Variants in PAM observed in about 807,000 individuals in gnomAD.
PAM encodes the protein peptidylglycine alpha-amidating monooxygenase, also known as peptidyl-glycine alpha-amidating monooxygenase.
A neutral mutation model predicts 122.1 loss-of-function variants in PAM; 72 were observed. That is an observed-to-expected ratio of 0.59 (90% CI 0.49 to 0.72). The LOEUF (loss-of-function observed/expected upper bound fraction) is 0.72. Among genes scored for constraint, PAM ranks in the 30% least tolerant of loss-of-function variants. The pLI is 0.00. For missense variants in PAM, 1,106 were observed against 1,183.7 expected (o/e 0.93, Z 0.96); for synonymous variants, 389 against 404.4 (o/e 0.96, Z 0.46).
At chr5:102,809,744 AT>A (rs1767375409) in intron 1 of PAM, among the ~76,000 whole-genome samples, 1 of 152,252 alleles carries the variant, frequency 6.6e-6, no homozygotes, top group Non-Finnish European at 1.5e-5. Context: ...AGGGTGAAAC[AT>A]TGCTTAAAAA....
At chr5:102,805,064 CTTTTTTTTTTTT>C (rs527963126) in intron 1 of PAM, among the ~76,000 whole-genome samples, 16 of 103,770 alleles carry the variant, frequency 1.5e-4, no homozygotes, top group African/African-American at 5.7e-4. Context: ...GGGAATTTTC[CTTTTTTTTTTTT>C]TTTTTTTTTT....
intron 16 of PAM, among the ~76,000 whole-genome samples, chr5:103,001,895 C>T (rs1777497265): frequency 6.6e-6 from 1 of 151,970 alleles, no homozygotes; most frequent in Non-Finnish European, 1.5e-5. Context: ...TAACCAGTTG[C>T]ACTACAAAAT....
chr5:102,981,631 C>T (rs990084060), intron 15 of PAM, among the ~76,000 whole-genome samples: 3 of 152,182 alleles, frequency 2.0e-5, no homozygotes, highest in African/African-American at 7.2e-5. Context: ...AAGGGATGAT[C>T]CTTGCCCTTG....
intron 7 of PAM, among the ~76,000 whole-genome samples, chr5:102,928,591 C>T (rs1194699568): frequency 6.6e-6 from 1 of 152,018 alleles, no homozygotes; most frequent in Non-Finnish European, 1.5e-5. Context: ...TCAGTAGATA[C>T]TATCAGGTCC....
intron 1 of PAM, among the ~76,000 whole-genome samples, chr5:102,773,213 T>C (rs1756275080): frequency 6.6e-6 from 1 of 152,120 alleles, no homozygotes; most frequent in South Asian, 2.1e-4. Context: ...TTTGTTGTAA[T>C]AAACTAAAAG....
chr5:102,921,348 T>C (rs1224533577), intron 5 of PAM, among the ~76,000 whole-genome samples: 2 of 152,122 alleles, frequency 1.3e-5, no homozygotes, highest in Admixed American at 1.3e-4. Context: ...CAAAATATAC[T>C]ATACCATCTT....
At chr5:102,883,245 G>T (rs1462333208) in intron 3 of PAM, among the ~76,000 whole-genome samples, 1 of 151,664 alleles carries the variant, frequency 6.6e-6, no homozygotes, top group Admixed American at 6.6e-5. Flanking sequence ...TTTTTTTCTA[G>T]ATCTGTGAGC....
intron 1 of PAM, among the ~76,000 whole-genome samples, chr5:102,858,344 A>T (rs1185412008): frequency 6.6e-6 from 1 of 152,206 alleles, no homozygotes; most frequent in Admixed American, 6.5e-5. Flanking sequence ...GACATTTGGC[A>T]ATGTCTGGAG....
At chr5:102,844,983 C>G (rs1779614250) in intron 1 of PAM, among the ~76,000 whole-genome samples, 1 of 152,168 alleles carries the variant, frequency 6.6e-6, no homozygotes, top group Non-Finnish European at 1.5e-5. Context: ...TTCCTCTCAA[C>G]CTGTGTTATC....
At chr5:102,891,157 C>T (rs1794676915) in intron 3 of PAM, among the ~76,000 whole-genome samples, 1 of 151,874 alleles carries the variant, frequency 6.6e-6, no homozygotes, top group African/African-American at 2.4e-5. Flanking sequence ...ATTCAACAAA[C>T]TAATTCAACT....
chr5:102,756,079 A>T (rs1416583687), intron 1 of PAM, among the ~76,000 whole-genome samples: 1 of 152,130 alleles, frequency 6.6e-6, no homozygotes, highest in East Asian at 1.9e-4. Flanking sequence ...GTATGTTGTC[A>T]TCTGCAAAAT....
intron 1 of PAM, among the ~76,000 whole-genome samples, chr5:102,852,350 G>T (rs1025710623): frequency 6.6e-6 from 1 of 151,956 alleles, no homozygotes; most frequent in Non-Finnish European, 1.5e-5. Flanking sequence ...TATGAAAAAA[G>T]AATAAATATG....
At chr5:102,809,445 ATAGC>A (rs1767257689) in intron 1 of PAM, among the ~76,000 whole-genome samples, 1 of 152,154 alleles carries the variant, frequency 6.6e-6, no homozygotes, top group Non-Finnish European at 1.5e-5. Context: ...TAATTAATAG[ATAGC>A]TTTGCAGAGA....
At chr5:102,960,677 T>C (rs987799731) in intron 13 of PAM, among the ~76,000 whole-genome samples, 2 of 151,866 alleles carry the variant, frequency 1.3e-5, no homozygotes, top group South Asian at 4.1e-4. Flanking sequence ...ATGCTGAGAC[T>C]TGATTGAGTT....
At chr5:102,893,932 C>G (rs1259700884) in intron 3 of PAM, among the ~76,000 whole-genome samples, 1 of 151,612 alleles carries the variant, frequency 6.6e-6, no homozygotes, top group African/African-American at 2.4e-5. Flanking sequence ...GTCTCAAGCT[C>G]TTCGGTTTTT....
intron 12 of PAM, among the ~76,000 whole-genome samples, chr5:102,952,923 C>T (rs1018276702): frequency 2.0e-5 from 3 of 152,194 alleles, no homozygotes; most frequent in South Asian, 2.1e-4. Context: ...AGATTTGAGC[C>T]CCGAGCGTGA....
chr5:102,915,678 T>C (rs2112886), intron 5 of PAM, among the ~76,000 whole-genome samples: 37,795 of 152,060 alleles, frequency 0.25, 5,466 homozygotes, highest in East Asian at 0.43. Flanking sequence ...ATTGGACTCA[T>C]TGAAAATAGC....
chr5:102,828,679 A>G (rs559276002), intron 1 of PAM, among the ~76,000 whole-genome samples: 26 of 152,302 alleles, frequency 1.7e-4, no homozygotes, highest in African/African-American at 6.0e-4. Flanking sequence ...TGCCCAATAA[A>G]GTTTAGTTTC....
At chr5:102,806,057 A>G (rs1046354952) in intron 1 of PAM, among the ~76,000 whole-genome samples, 1 of 152,194 alleles carries the variant, frequency 6.6e-6, no homozygotes, top group Non-Finnish European at 1.5e-5. Context: ...CCTTTTTAAA[A>G]AAACATCTAA....
Sources: gnomAD v4.1 joint callset for allele counts (sites outside exome capture counted in the v4.1 genomes callset) on GRCh38, gnomAD v4.1.1 for gene constraint, MANE v1.5 for transcripts, NCBI Gene and HGNC (gene_info 2026-07-23, HGNC 2026-07-21) for gene names.